Variants in CSMD1 observed in about 807,000 individuals in gnomAD.
CSMD1 encodes the protein CUB and Sushi multiple domains 1, also known as CUB and sushi domain-containing protein 1.
CSMD1 carries 213 observed loss-of-function variants against 417.5 expected under a neutral mutation model. That is an observed-to-expected ratio of 0.51 (90% CI 0.46 to 0.57). The LOEUF (loss-of-function observed/expected upper bound fraction) is 0.57. Among genes scored for constraint, CSMD1 ranks in the 20% least tolerant of loss-of-function variants. The pLI, the probability that CSMD1 is intolerant of heterozygous loss-of-function variation, is 0.00. For missense variants in CSMD1, 6,923 were observed against 4,529.7 expected, an observed-to-expected ratio of 1.53 and a Z score of -15.17; for synonymous variants, 2,862 against 1,736.8, an observed-to-expected ratio of 1.65 and a Z score of -16.11.
At chr8:4,664,919 C>T (rs1421921694) in intron 1 of CSMD1, among the ~76,000 whole-genome samples, 2 of 152,098 alleles carry the variant, frequency 1.3e-5, no homozygotes, top group Non-Finnish European at 2.9e-5. Flanking sequence ...AAAAAACTTG[C>T]ATTAGGAATG....
chr8:3,009,413 C>A (rs1808212344), intron 52 of CSMD1, among the ~76,000 whole-genome samples: 1 of 152,150 alleles, frequency 6.6e-6, no homozygotes, highest in African/African-American at 2.4e-5. Context: ...TTTATTCTAT[C>A]CATTCTATGC....
chr8:3,837,203 A>G (rs1047324277), intron 5 of CSMD1, among the ~76,000 whole-genome samples: 1 of 152,146 alleles, frequency 6.6e-6, no homozygotes, highest in Admixed American at 6.6e-5. Flanking sequence ...CAAAGAAAAC[A>G]TTGGCCAATT....
intron 4 of CSMD1, among the ~76,000 whole-genome samples, chr8:4,016,571 G>C (rs1434910310): frequency 6.6e-6 from 1 of 152,138 alleles, no homozygotes. Flanking sequence ...GATTCACTTA[G>C]TCCTCAATCC....
At chr8:4,899,627 G>A (rs757106264) in intron 1 of CSMD1, among the ~76,000 whole-genome samples, 1 of 152,072 alleles carries the variant, frequency 6.6e-6, no homozygotes, top group Non-Finnish European at 1.5e-5. Flanking sequence ...ATAACATATA[G>A]GGTTTTGTCT....
At chr8:4,641,837 A>C (rs1195202375) in intron 1 of CSMD1, among the ~76,000 whole-genome samples, 1 of 152,226 alleles carries the variant, frequency 6.6e-6, no homozygotes, top group Non-Finnish European at 1.5e-5. Flanking sequence ...AAAACTAATC[A>C]ATGCCCATTG....
At chr8:4,372,472 G>A (rs1029466368) in intron 3 of CSMD1, among the ~76,000 whole-genome samples, 1 of 150,678 alleles carries the variant, frequency 6.6e-6, no homozygotes, top group East Asian at 1.9e-4. Flanking sequence ...CAATAGTTAA[G>A]TGTCACTTAA....
intron 5 of CSMD1, among the ~76,000 whole-genome samples, chr8:3,921,324 T>C (rs546774681): frequency 6.6e-6 from 1 of 152,184 alleles, no homozygotes; most frequent in East Asian, 1.9e-4. Flanking sequence ...AGTTTATCAT[T>C]TTTGTCTATC....
chr8:3,302,817 G>T (rs1319414820), intron 25 of CSMD1, among the ~76,000 whole-genome samples: 1 of 152,162 alleles, frequency 6.6e-6, no homozygotes, highest in Admixed American at 6.5e-5. Flanking sequence ...AAATGTGAGT[G>T]GTATGGTTGG....
intron 7 of CSMD1, among the ~76,000 whole-genome samples, chr8:3,656,061 C>G (rs1357886128): frequency 6.6e-6 from 1 of 152,124 alleles, no homozygotes; most frequent in Admixed American, 6.5e-5. Context: ...AGATATATTT[C>G]AAATAATGCC....
At chr8:3,847,345 G>C (rs1214471446) in intron 5 of CSMD1, among the ~76,000 whole-genome samples, 2 of 152,142 alleles carry the variant, frequency 1.3e-5, no homozygotes, top group Non-Finnish European at 2.9e-5. Context: ...AGTGTTCCAA[G>C]TCAGAGAAGG....
chr8:4,958,168 C>A (rs184367135), intron 1 of CSMD1, among the ~76,000 whole-genome samples: 2 of 152,158 alleles, frequency 1.3e-5, no homozygotes, highest in East Asian at 3.9e-4. Context: ...AATGTTGTTT[C>A]GATCAATTTG....
chr8:4,148,925 A>G (rs1796425342), intron 3 of CSMD1, among the ~76,000 whole-genome samples: 1 of 151,948 alleles, frequency 6.6e-6, no homozygotes, highest in Non-Finnish European at 1.5e-5. Context: ...TGCACTTTTC[A>G]GACTACCTAA....
At chr8:4,840,602 T>G (rs899901126) in intron 1 of CSMD1, among the ~76,000 whole-genome samples, 2 of 152,166 alleles carry the variant, frequency 1.3e-5, no homozygotes, top group Admixed American at 6.5e-5. Flanking sequence ...AAAATATAGC[T>G]TAACACAGCA....
chr8:3,830,635 A>G (rs1204272483), intron 5 of CSMD1, among the ~76,000 whole-genome samples: 2 of 152,198 alleles, frequency 1.3e-5, no homozygotes, highest in Non-Finnish European at 2.9e-5. Flanking sequence ...ATGCTCTGCC[A>G]TGGCCAATAT....
chr8:4,559,371 TA>T (rs888786288), intron 2 of CSMD1, among the ~76,000 whole-genome samples: 3 of 152,048 alleles, frequency 2.0e-5, no homozygotes, highest in Admixed American at 6.6e-5. Flanking sequence ...TATAAAATAT[TA>T]AAAAAAATCT....
intron 12 of CSMD1, among the ~76,000 whole-genome samples, chr8:3,464,157 C>T (rs981397848): frequency 6.6e-6 from 1 of 152,138 alleles, no homozygotes; most frequent in Admixed American, 6.5e-5. Flanking sequence ...TTACATGAAA[C>T]ATGATTTCTG....
chr8:2,944,433 G>GCACTGAGTTGGC (rs1802084497), intron 68 of CSMD1, among the ~76,000 whole-genome samples: 1 of 152,150 alleles, frequency 6.6e-6, no homozygotes, highest in Non-Finnish European at 1.5e-5. Context: ...GAGAGCAGTG[G>GCACTGAGTTGGC]TGCCCTACTC....
intron 10 of CSMD1, among the ~76,000 whole-genome samples, chr8:3,559,614 C>T (rs1799383352): frequency 6.6e-6 from 1 of 152,140 alleles, no homozygotes; most frequent in South Asian, 2.1e-4. Context: ...CCCACAATTA[C>T]AATCACTGAT....
intron 3 of CSMD1, among the ~76,000 whole-genome samples, chr8:4,300,938 T>G (rs907713555): frequency 6.6e-6 from 1 of 152,230 alleles, no homozygotes; most frequent in Admixed American, 6.5e-5. Context: ...CTATCGTTGT[T>G]GGACATTTAG....
Sources: gnomAD v4.1 joint callset for allele counts (sites outside exome capture counted in the v4.1 genomes callset) on GRCh38, gnomAD v4.1.1 for gene constraint, MANE v1.5 for transcripts, NCBI Gene and HGNC (gene_info 2026-07-23, HGNC 2026-07-21) for gene names.